CDH13: variants seen among roughly 807,000 people sequenced by gnomAD.
The protein encoded by CDH13 is cadherin 13, also known as cadherin-13.
A neutral mutation model predicts 63.8 loss-of-function variants in CDH13; 24 were observed. The ratio of observed to expected loss-of-function variants is 0.38; its 90% CI spans 0.27 to 0.53. The LOEUF (loss-of-function observed/expected upper bound fraction) is 0.53. Among genes scored for constraint, CDH13 ranks in the 20% least tolerant of loss-of-function variants. The pLI is 0.85. For synonymous variants in CDH13, 503 were observed against 355.3 expected, an observed-to-expected ratio of 1.42 and a Z score of -4.67; for missense variants, 1,049 against 903.1, an observed-to-expected ratio of 1.16 and a Z score of -2.07.
intron 2 of CDH13, among the ~76,000 whole-genome samples, chr16:82,901,545 C>G (rs1173411662): frequency 6.6e-6 from 1 of 152,040 alleles, no homozygotes; most frequent in Non-Finnish European, 1.5e-5. Flanking sequence ...AATGAAACTA[C>G]CCTCTGCACT....
chr16:82,809,691 T>A (rs1336383326), intron 1 of CDH13, among the ~76,000 whole-genome samples: 5 of 152,180 alleles, frequency 3.3e-5, no homozygotes, highest in Non-Finnish European at 7.3e-5. Flanking sequence ...TTAGCAAATA[T>A]GTTATGGTTA....
At chr16:82,679,627 C>T (rs1914324423) in intron 1 of CDH13, among the ~76,000 whole-genome samples, 1 of 152,168 alleles carries the variant, frequency 6.6e-6, no homozygotes, top group Non-Finnish European at 1.5e-5. Flanking sequence ...GAATCTGTCT[C>T]TGTTGCTTCC....
chr16:82,816,489 G>T (rs1479296760), intron 1 of CDH13, among the ~76,000 whole-genome samples: 1 of 152,100 alleles, frequency 6.6e-6, no homozygotes, highest in African/African-American at 2.4e-5. Flanking sequence ...AGGAACAGTT[G>T]TAACTTCCAT....
At chr16:83,597,098 C>A (rs1392914581) in intron 7 of CDH13, among the ~76,000 whole-genome samples, 1 of 152,074 alleles carries the variant, frequency 6.6e-6, no homozygotes, top group Non-Finnish European at 1.5e-5. Context: ...TGGCACATGC[C>A]TGTGGTCTTA....
intron 3 of CDH13, among the ~76,000 whole-genome samples, chr16:83,065,379 C>G (rs567477830): frequency 1.1e-4 from 17 of 152,230 alleles, no homozygotes; most frequent in African/African-American, 3.9e-4. Context: ...GAAGTTTCTA[C>G]AAAACTGCTG....
chr16:82,743,312 A>T (rs76491081), intron 1 of CDH13, among the ~76,000 whole-genome samples: 4,939 of 152,156 alleles, frequency 0.032, 108 homozygotes, highest in Non-Finnish European at 0.049. Context: ...CTGCAGCCTC[A>T]GACTTCCCGG....
chr16:83,771,468 C>T (rs770293110), intron 11 of CDH13, among the ~76,000 whole-genome samples: 3 of 152,130 alleles, frequency 2.0e-5, no homozygotes, highest in Non-Finnish European at 2.9e-5. Flanking sequence ...AACGACAAAG[C>T]CAGAAACAAG....
intron 7 of CDH13, among the ~76,000 whole-genome samples, chr16:83,541,150 C>T (rs1482959752): frequency 6.6e-6 from 1 of 152,132 alleles, no homozygotes; most frequent in Non-Finnish European, 1.5e-5. Flanking sequence ...TACACTAGTG[C>T]CCAGTGGTGA....
chr16:82,930,936 C>A (rs6565083), intron 2 of CDH13, among the ~76,000 whole-genome samples: 98,329 of 151,734 alleles, frequency 0.65, 33,018 homozygotes, highest in African/African-American at 0.72. Flanking sequence ...CTCTAATGTT[C>A]GACTTGTGGC....
chr16:83,221,990 C>T (rs1029346912), intron 5 of CDH13, among the ~76,000 whole-genome samples: 1 of 152,152 alleles, frequency 6.6e-6, no homozygotes, highest in African/African-American at 2.4e-5. Context: ...TGTATTTTTA[C>T]TATTAATGTT....
At chr16:82,640,087 G>A (rs1421835557) in intron 1 of CDH13, among the ~76,000 whole-genome samples, 1 of 152,204 alleles carries the variant, frequency 6.6e-6, no homozygotes, top group Non-Finnish European at 1.5e-5. Flanking sequence ...AGAAAGACAG[G>A]AAACAAGAAA....
intron 6 of CDH13, among the ~76,000 whole-genome samples, chr16:83,464,208 C>A (rs1460748668): frequency 6.6e-6 from 1 of 150,642 alleles, no homozygotes; most frequent in African/African-American, 2.5e-5. Context: ...TACAGGCACA[C>A]ACCACTATGT....
At position 83,447,096 on chromosome 16, in the gene CDH13, C is replaced by CTTTTTTTTTTTTTTTTTTTTT; in HGVS notation, c.782-39371_782-39351dup. On this transcript the variant is annotated intron_variant, in intron 6 of 13. Transcript: ENST00000567109. The stretch of plus-strand genomic sequence containing the variant: ...AAAACAAAAAACACCTTATAGTAAC[C>CTTTTTTTTTTTTTTTTTTTTT]TTTTTTTTTTTTTTTTTTTTTTTTT... Among the ~76,000 whole-genome samples, 114 of 41,520 alleles carry CTTTTTTTTTTTTTTTTTTTTT rather than the reference C, an allele frequency of 2.7e-3. 29 individuals are homozygous for CTTTTTTTTTTTTTTTTTTTTT. The highest frequency in any genetic ancestry group is 3.4e-3 in the Non-Finnish European group (71 of 21,120). 27.2% of individuals were successfully genotyped at this position (41,520 alleles called of 152,430 possible). A position where few individuals can be genotyped will look rare whatever the true frequency, so the allele number is the denominator to read the frequency against.
chr16:82,852,410 C>G (rs570341050), intron 1 of CDH13, among the ~76,000 whole-genome samples: 2 of 152,292 alleles, frequency 1.3e-5, no homozygotes, highest in East Asian at 1.9e-4. Context: ...TGGGCTCTTT[C>G]TATTGGATGA....
chr16:83,288,358 T>C (rs189099135), intron 5 of CDH13, among the ~76,000 whole-genome samples: 1 of 152,184 alleles, frequency 6.6e-6, no homozygotes, highest in Non-Finnish European at 1.5e-5. Context: ...AGAGGTTAAA[T>C]GACTAGCCCA....
chr16:83,602,757 T>G (rs1907971534), intron 8 of CDH13, among the ~76,000 whole-genome samples, 163 bp downstream of exon 8: 1 of 150,880 alleles, frequency 6.6e-6, no homozygotes, highest in Non-Finnish European at 1.5e-5. Flanking sequence ...TCTCACATTT[T>G]TATTTTGTGT....
intron 4 of CDH13, among the ~76,000 whole-genome samples, chr16:83,138,266 G>A (rs1223530704): frequency 6.6e-6 from 1 of 152,276 alleles, no homozygotes; most frequent in South Asian, 2.1e-4. Flanking sequence ...TATGTGTCAA[G>A]CACTGCACTG....
intron 6 of CDH13, among the ~76,000 whole-genome samples, chr16:83,447,188 A>G (rs934070385): frequency 3.9e-5 from 5 of 127,462 alleles, no homozygotes; most frequent in Non-Finnish European, 6.2e-5. Context: ...GGCGAGGCAG[A>G]TGGATCACCT....
intron 2 of CDH13, among the ~76,000 whole-genome samples, chr16:83,030,945 G>A (rs1032897446): frequency 4.6e-5 from 7 of 151,612 alleles, no homozygotes; most frequent in Non-Finnish European, 1.0e-4. Flanking sequence ...ATTCCATATG[G>A]ACTGAGCATG....
Sources: allele counts gnomAD v4.1 joint callset (sites outside exome capture counted in the v4.1 genomes callset), GRCh38; gene constraint gnomAD v4.1.1; transcripts MANE v1.5; gene names NCBI Gene and HGNC (gene_info 2026-07-23, HGNC 2026-07-21).